Variants in BRK1 observed in about 807,000 individuals in gnomAD.
BRK1 encodes the protein BRICK1 subunit of SCAR/WAVE actin nucleating complex.
BRK1 carries 6 observed loss-of-function variants against 9.9 expected under a neutral mutation model. That is an observed-to-expected ratio of 0.60 (90% CI 0.33 to 1.19). BRK1 has a LOEUF of 1.19. Ranked by LOEUF, BRK1 falls within the 50% of genes most tolerant of loss-of-function variation. BRK1 has a pLI of 0.04. For synonymous variants in BRK1, 44 were observed against 31.9 expected (o/e 1.38, Z -1.28); for missense variants, 62 against 97.5 (o/e 0.64, Z 1.53).
rs1695674694 is a variant in BRK1 at position 10,115,687 on chromosome 3, C to T, written c.-15C>T. On this transcript the variant is annotated 5_prime_UTR_variant, in exon 1 of 3. Coordinates refer to ENST00000530758, the MANE Select transcript of BRK1 (RefSeq NM_018462.5). ...TCGGGGCGCCTGCGCAGTCGCTCTT[C>T]CTCAGGCGGCGGCCATGGCGGGACA... is the stretch of plus-strand genomic sequence containing the variant. 7.6e-6 allele frequency: 12 copies of T among 1,575,350 alleles called. No homozygotes were observed. The highest frequency in any genetic ancestry group is 1.0e-5 in the Non-Finnish European group (12 of 1,147,550).
chr3:10,121,865 GCCT>G (rs1695760102), intron 1 of BRK1, among the ~76,000 whole-genome samples: 1 of 146,234 alleles, frequency 6.8e-6, no homozygotes, highest in African/African-American at 2.5e-5. Flanking sequence ...ACAGGCGTGA[GCCT>G]CTGCACCCGG....
intron 1 of BRK1, among the ~76,000 whole-genome samples, chr3:10,116,529 A>G (rs1485687595): frequency 6.6e-6 from 1 of 152,198 alleles, no homozygotes; most frequent in Non-Finnish European, 1.5e-5. Flanking sequence ...TTTCCTAGGC[A>G]TGGCCTGCTT....
At position 10,122,085 on chromosome 3, in the gene BRK1, C is replaced by CT. The variant is rs113981551; in HGVS notation, c.119-3531dup. Among the ~76,000 whole-genome samples the CT allele has an allele frequency of 0.19, 27,797 of 145,014 alleles. 3,636 individuals carry two copies. Among genetic ancestry groups the CT allele is most frequent in the African/African-American group, 0.38 (15,033 of 39,512 alleles). On this transcript the variant is annotated intron_variant, in intron 1 of 2. Transcript: ENST00000530758. Reference sequence around the variant, plus strand: ...TGTATTTTTAGTAGAGACAGGATTTCTTTTTTTTTTGTATTTTTAGTAGGT... The same window carrying CT: ...TGTATTTTTAGTAGAGACAGGATTTCTTTTTTTTTTTGTATTTTTAGTAGGT...
chr3:10,117,393 C>CTT lies in BRK1; in HGVS notation c.118+1593_118+1594dup, dbSNP rs756307171. Among the ~76,000 whole-genome samples the CTT allele has an allele frequency of 7.2e-3, 856 of 118,598 alleles. 17 individuals are homozygous for CTT. Among genetic ancestry groups the CTT allele is most frequent in the South Asian group, 0.023 (84 of 3,578 alleles). 77.8% of individuals were successfully genotyped at this position (118,598 alleles called of 152,430 possible). A position where few individuals can be genotyped will look rare whatever the true frequency, so the allele number is the denominator to read the frequency against. ...CTTTATTTGGGCTTTTCAACAAATT[C>CTT]TTTTTTTTTTTTTTTTTTTTGAGAC... On this transcript the variant is annotated intron_variant, in intron 1 of 2. Coordinates refer to ENST00000530758, the MANE Select transcript of BRK1 (RefSeq NM_018462.5).
rs957461744 is a variant in BRK1, at chr3:10,115,832, G to T, written c.118+13G>T. On this transcript the variant is annotated intron_variant, in intron 1 of 2. Transcript: ENST00000530758. The stretch of plus-strand genomic sequence containing the variant: ...CTCAACTCGTTCGGTCAGCGGGCCA[G>T]CAAGGGGAGGCGGGGAGGAGGGAGG... The T allele has an allele frequency of 6.2e-7, 1 of 1,606,104 alleles. No homozygotes were observed. The highest frequency in any genetic ancestry group is 1.3e-5 in the African/African-American group (1 of 74,812).
At chr3:10,115,927 C>G (rs372809889) in intron 1 of BRK1, 108 bp downstream of exon 1, 6 of 836,268 alleles carry the variant, frequency 7.2e-6, no homozygotes, top group Admixed American at 4.2e-5. Flanking sequence ...TCGGCTGTTG[C>G]GGGTTTTCAC....
intron 1 of BRK1, among the ~76,000 whole-genome samples, chr3:10,116,597 CCTT>C: frequency 6.6e-6 from 1 of 152,272 alleles, no homozygotes; most frequent in Middle Eastern, 3.4e-3. Flanking sequence ...GATTCCTACC[CCTT>C]CTTCTCCAAG....
intron 1 of BRK1, among the ~76,000 whole-genome samples, chr3:10,117,351 C>G (rs2125116832): frequency 6.6e-6 from 1 of 150,460 alleles, no homozygotes; most frequent in African/African-American, 2.4e-5. Flanking sequence ...ATTTTATGAT[C>G]AGATAGAGAG....
In BRK1 at chr3:10,115,688, C is replaced by A. The variant is rs751382421; in HGVS notation, c.-14C>A. The A allele has an allele frequency of 3.1e-6, 5 of 1,610,854 alleles. No individual in the cohort carries two copies. The East Asian group carries it at 6.7e-5, about 22-fold the overall frequency. ...CGGGGCGCCTGCGCAGTCGCTCTTC[C>A]TCAGGCGGCGGCCATGGCGGGACAG... On this transcript the variant is annotated 5_prime_UTR_variant, in exon 1 of 3. Coordinates refer to ENST00000530758, the MANE Select transcript of BRK1 (RefSeq NM_018462.5).
intron 1 of BRK1, among the ~76,000 whole-genome samples, chr3:10,125,115 T>A (rs1206913363): frequency 6.6e-6 from 1 of 152,138 alleles, no homozygotes; most frequent in Non-Finnish European, 1.5e-5. Context: ...GAAAGGACTT[T>A]TTTTTGAGAC....
chr3:10,126,285 C>A lies in BRK1; in HGVS notation c.218C>A (p.Thr73Lys). The A allele has an allele frequency of 6.4e-7, 1 of 1,560,870 alleles. No individual in the cohort carries two copies. The highest frequency in any genetic ancestry group is 8.6e-7 in the Non-Finnish European group (1 of 1,156,450). The part of the protein sequence containing the change: ...YIEARVTKGE[T>K]LT ...CTTTCACAGGTGACAAAAGGTGAGA[C>A]ACTCACCTAGAACAGTGCCGTGCTG... The change falls in exon 3 of 3, where the codon ACA becomes AAA. Residue 73 changes from threonine (T) to lysine (K), a missense_variant. Thr to Lys is a moderately conservative substitution (Grantham distance 78, BLOSUM62 -1). Transcript: ENST00000530758.
In BRK1 at chr3:10,126,266, C is replaced by T; in HGVS notation, c.202-3C>T. The T allele has an allele frequency of 1.3e-6, 2 of 1,533,804 alleles. No homozygotes were observed. Among genetic ancestry groups the T allele is most frequent in the Non-Finnish European group, 1.7e-6 (2 of 1,146,414 alleles). On this transcript the variant is annotated splice_region_variant and splice_polypyrimidine_tract_variant and intron_variant, in intron 2 of 2. Transcript: ENST00000530758. ...AAATGTCAGTTTTCCTTTCCTTTCA[C>T]AGGTGACAAAAGGTGAGACACTCAC... is the stretch of plus-strand genomic sequence containing the variant.
chr3:10,116,267 G>T (rs1040463081), intron 1 of BRK1, among the ~76,000 whole-genome samples: 4 of 152,096 alleles, frequency 2.6e-5, no homozygotes, highest in African/African-American at 9.7e-5. Flanking sequence ...ACCCTCTAGC[G>T]TCGTGCCTTT....
intron 2 of BRK1, 30 bp downstream of exon 2, chr3:10,125,738 G>C (rs748762403): frequency 1.4e-6 from 2 of 1,466,336 alleles, no homozygotes; most frequent in Non-Finnish European, 1.9e-6. Context: ...GCATTCCAGA[G>C]AGAATGCACA....
chr3:10,125,487 G>A, intron 1 of BRK1, 139 bp from the exon 2 acceptor site: 1 of 576,658 alleles, frequency 1.7e-6, no homozygotes, highest in South Asian at 2.0e-5. Context: ...AAGCAACTGT[G>A]CTATGAGTGG....
chr3:10,125,078 C>G (rs1695818479), intron 1 of BRK1, among the ~76,000 whole-genome samples: 1 of 152,136 alleles, frequency 6.6e-6, no homozygotes, highest in Non-Finnish European at 1.5e-5. Flanking sequence ...CATGTATAAT[C>G]CATATTCACA....
Position 10,118,314 on chromosome 3 carries a change from C to T in BRK1, c.118+2495C>T, listed in dbSNP as rs1418174219. Among the ~76,000 whole-genome samples the T allele has an allele frequency of 4.6e-5, 7 of 151,616 alleles. No individual in the cohort carries two copies. The East Asian group carries it at 5.8e-4, about 13-fold the overall frequency. ...GCAAGAGTTTAGAAAAAGACCCCAC[C>T]GGCTGCGAAACTGGATAAATTAAAT... On this transcript the variant is annotated intron_variant, in intron 1 of 2. Transcript: ENST00000530758.
chr3:10,119,382 C>CT (rs2125117386), intron 1 of BRK1, among the ~76,000 whole-genome samples: 1 of 152,148 alleles, frequency 6.6e-6, no homozygotes, highest in African/African-American at 2.4e-5. Context: ...CACTTGAACC[C>CT]TGGAGGCAAA....
intron 1 of BRK1, among the ~76,000 whole-genome samples, chr3:10,124,661 A>G (rs867376811): frequency 1.3e-5 from 2 of 152,032 alleles, no homozygotes; most frequent in African/African-American, 4.8e-5. Context: ...CTGGGCTCCA[A>G]TCAGGGTTTC....
Sources: gnomAD v4.1 joint callset for allele counts (sites outside exome capture counted in the v4.1 genomes callset) on GRCh38, gnomAD v4.1.1 for gene constraint, MANE v1.5 for transcripts, NCBI Gene and HGNC (gene_info 2026-07-23, HGNC 2026-07-21) for gene names.